Variants in CSMD1 observed in about 807,000 individuals in gnomAD.
CSMD1 encodes CUB and sushi domain-containing protein 1.
Under a neutral mutation model 417.5 loss-of-function variants are expected in CSMD1, and 213 were observed. The observed-to-expected ratio is 0.51, with a 90% CI of 0.46 to 0.57. The LOEUF (loss-of-function observed/expected upper bound fraction) is 0.57. CSMD1 is among the 20% of genes least tolerant of loss of function. The pLI is 0.00. For missense variants in CSMD1, 6,923 were observed against 4,529.7 expected (o/e 1.53, Z -15.17); for synonymous variants, 2,862 against 1,736.8 (o/e 1.65, Z -16.11).
At chr8:3,134,156 G>C (rs1251869177) in intron 41 of CSMD1, among the ~76,000 whole-genome samples, 1 of 151,982 alleles carries the variant, frequency 6.6e-6, no homozygotes, top group Admixed American at 6.6e-5. Flanking sequence ...TCTCGACAGA[G>C]TGAGACTCCA....
At chr8:4,896,863 G>C (rs1355771449) in intron 1 of CSMD1, among the ~76,000 whole-genome samples, 1 of 151,986 alleles carries the variant, frequency 6.6e-6, no homozygotes, top group Non-Finnish European at 1.5e-5. Context: ...GCAGCTGCCG[G>C]GAACACTGTC....
At chr8:4,342,617 T>C (rs944985851) in intron 3 of CSMD1, among the ~76,000 whole-genome samples, 4 of 151,996 alleles carry the variant, frequency 2.6e-5, no homozygotes, top group Non-Finnish European at 4.4e-5. Context: ...GGTAATATGA[T>C]TCACATGCAG....
At chr8:3,121,459 G>T (rs1817201408) in intron 41 of CSMD1, among the ~76,000 whole-genome samples, 2 of 152,180 alleles carry the variant, frequency 1.3e-5, no homozygotes, top group East Asian at 1.9e-4. Context: ...GGGACGAGAA[G>T]TGGGAAGAAC....
intron 7 of CSMD1, among the ~76,000 whole-genome samples, chr8:3,637,101 A>T (rs533540518): frequency 6.6e-6 from 1 of 152,318 alleles, no homozygotes; most frequent in Non-Finnish European, 1.5e-5. Context: ...AAAACTATAG[A>T]AAATAAATTT....
At chr8:3,295,259 G>C (rs1803881847) in intron 25 of CSMD1, among the ~76,000 whole-genome samples, 2 of 151,898 alleles carry the variant, frequency 1.3e-5, no homozygotes, top group Non-Finnish European at 2.9e-5. Flanking sequence ...CGAGTAGCTG[G>C]GACTACAGGT....
intron 23 of CSMD1, among the ~76,000 whole-genome samples, chr8:3,324,050 C>G (rs528580939): frequency 3.4e-5 from 5 of 146,364 alleles, no homozygotes; most frequent in African/African-American, 1.3e-4. Context: ...CACCTTTCAT[C>G]ATTGTTAAAA....
intron 2 of CSMD1, among the ~76,000 whole-genome samples, chr8:4,593,326 C>T (rs920430349): frequency 2.0e-5 from 3 of 152,182 alleles, no homozygotes; most frequent in African/African-American, 7.2e-5. Flanking sequence ...TAATTAAATA[C>T]TTCTGCAGCA....
At chr8:4,202,298 G>T (rs536523620) in intron 3 of CSMD1, among the ~76,000 whole-genome samples, 1 of 151,884 alleles carries the variant, frequency 6.6e-6, no homozygotes, top group Non-Finnish European at 1.5e-5. Flanking sequence ...AAAAAATGAA[G>T]CATCTGCCTA....
intron 58 of CSMD1, among the ~76,000 whole-genome samples, 180 bp downstream of exon 58, chr8:2,966,390 A>G (rs1330859526): frequency 6.6e-6 from 1 of 152,190 alleles, no homozygotes; most frequent in Non-Finnish European, 1.5e-5. Flanking sequence ...CGAATAAGCA[A>G]CTGGAAAAAA....
chr8:3,314,715 A>G (rs1390561895), intron 23 of CSMD1, among the ~76,000 whole-genome samples: 1 of 152,244 alleles, frequency 6.6e-6, no homozygotes, highest in African/African-American at 2.4e-5. Flanking sequence ...TGCATGAATT[A>G]CGCAGTCTTA....
At chr8:4,951,643 G>A (rs1479583847) in intron 1 of CSMD1, among the ~76,000 whole-genome samples, 3 of 151,664 alleles carry the variant, frequency 2.0e-5, no homozygotes, top group Admixed American at 6.6e-5. Flanking sequence ...CTGGGACTGT[G>A]AAATGTTTTA....
chr8:4,254,283 T>G (rs1803289457), intron 3 of CSMD1, among the ~76,000 whole-genome samples: 1 of 152,158 alleles, frequency 6.6e-6, no homozygotes, highest in African/African-American at 2.4e-5. Context: ...TGCCAGTTAC[T>G]TCCCTAAAAA....
At chr8:3,926,992 G>T (rs573292452) in intron 5 of CSMD1, among the ~76,000 whole-genome samples, 85 of 151,974 alleles carry the variant, frequency 5.6e-4, no homozygotes, top group Non-Finnish European at 9.4e-4. Flanking sequence ...AGGATTACAG[G>T]CGTGAGCCAC....
At chr8:4,194,737 A>C (rs917409108) in intron 3 of CSMD1, among the ~76,000 whole-genome samples, 19 of 151,862 alleles carry the variant, frequency 1.3e-4, no homozygotes, top group African/African-American at 4.4e-4. Flanking sequence ...AACAGATTTC[A>C]TTATTTAAAT....
At chr8:4,203,206 G>A (rs1366623375) in intron 3 of CSMD1, among the ~76,000 whole-genome samples, 1 of 152,158 alleles carries the variant, frequency 6.6e-6, no homozygotes, top group Non-Finnish European at 1.5e-5. Context: ...AACCTTGCTG[G>A]CTTTGAAGAT....
chr8:4,512,978 C>G (rs1163486100), intron 2 of CSMD1, among the ~76,000 whole-genome samples: 1 of 152,086 alleles, frequency 6.6e-6, no homozygotes, highest in Admixed American at 6.6e-5. Flanking sequence ...GTGAACAGGT[C>G]AGTGATTGCC....
chr8:3,817,994 G>C (rs1012288353), intron 5 of CSMD1, among the ~76,000 whole-genome samples: 2 of 152,110 alleles, frequency 1.3e-5, no homozygotes, highest in African/African-American at 4.8e-5. Flanking sequence ...TTAAGAAAAA[G>C]CCCATTTTTA....
At chr8:3,757,894 G>T (rs113741880) in intron 5 of CSMD1, among the ~76,000 whole-genome samples, 1 of 151,692 alleles carries the variant, frequency 6.6e-6, no homozygotes. Context: ...CAAAAACACC[G>T]AGCTGGAAGA....
At chr8:3,455,352 T>A (rs1330960878) in intron 12 of CSMD1, among the ~76,000 whole-genome samples, 1 of 152,230 alleles carries the variant, frequency 6.6e-6, no homozygotes, top group African/African-American at 2.4e-5. Flanking sequence ...CCATTGCTGG[T>A]GAGGAGCTGC....
Sources: gnomAD v4.1 joint callset for allele counts (sites outside exome capture counted in the v4.1 genomes callset) on GRCh38, gnomAD v4.1.1 for gene constraint, MANE v1.5 for transcripts, NCBI Gene and HGNC (gene_info 2026-07-23, HGNC 2026-07-21) for gene names.